Variants in INPPL1 observed in about 807,000 individuals in gnomAD.
The protein encoded by INPPL1 is inositol polyphosphate phosphatase like 1.
INPPL1 carries 91 observed loss-of-function variants against 139.3 expected under a neutral mutation model. The ratio of observed to expected loss-of-function variants is 0.65; its 90% CI spans 0.55 to 0.78. The LOEUF (loss-of-function observed/expected upper bound fraction) is 0.78, where lower values mean the gene tolerates loss of function less well. INPPL1 is among the 30% of genes least tolerant of loss of function. The pLI, the probability that INPPL1 is intolerant of heterozygous loss-of-function variation, is 0.00. For missense variants in INPPL1, 1,411 were observed against 1,665.6 expected (o/e 0.85, Z 2.66); for synonymous variants, 719 against 686.6 (o/e 1.05, Z -0.74).
Position 72,233,527 on chromosome 11 carries a change from G to C in INPPL1, c.2122+5G>C, listed in dbSNP as rs751623817. ...ACATCATCTGCAATTCTTATGGTCA[G>C]AGCCTCCCGGACAGAGTGATGGGAG... On this transcript the variant is annotated splice_donor_5th_base_variant and intron_variant, in intron 18 of 27. Transcript: ENST00000298229. 1 of 1,613,788 alleles carries C rather than the reference G, an allele frequency of 6.2e-7. No individual in the cohort carries two copies. Among genetic ancestry groups the C allele is most frequent in the Non-Finnish European group, 8.5e-7 (1 of 1,179,662 alleles).
intron 14 of INPPL1, 34 bp downstream of exon 14, chr11:72,232,370 C>T: frequency 6.6e-7 from 1 of 1,524,316 alleles, no homozygotes; most frequent in Non-Finnish European, 8.9e-7. Flanking sequence ...TCTCTTTACA[C>T]CCATCCCATT....
At chr11:72,229,041 TG>T (rs1948755145) in intron 4 of INPPL1, 48 bp from the exon 5 acceptor site, 1 of 1,566,290 alleles carries the variant, frequency 6.4e-7, no homozygotes, top group Admixed American at 1.8e-5. Flanking sequence ...GCAGAGGTGC[TG>T]GGACAGGTCA....
Position 72,230,418 on chromosome 11 carries a change from AAGG to A in INPPL1, c.1150_1152del (p.Glu384del), listed in dbSNP as rs1565388284. 6.2e-7 allele frequency: 1 copy of A among 1,614,088 alleles called. No individual in the cohort carries two copies. Among genetic ancestry groups the A allele is most frequent in the Non-Finnish European group, 8.5e-7 (1 of 1,180,034 alleles). On this transcript the variant is annotated inframe_deletion, in exon 10 of 28. Transcript: ENST00000298229. ...GAACAAGCTGGGTGTTGTGTTTGAG[AAGG>A]AGAAGGACCGGACTCAGCGCAAGGA...
chr11:72,236,632 A>G (rs1214473076), intron 25 of INPPL1, among the ~76,000 whole-genome samples: 2 of 152,222 alleles, frequency 1.3e-5, no homozygotes, highest in East Asian at 3.8e-4. Context: ...TTGTTGCTTA[A>G]ACTTACATAA....
In INPPL1 at chr11:72,235,763, G is replaced by A; in HGVS notation, c.2738+10G>A. On this transcript the variant is annotated intron_variant, in intron 24 of 27. Transcript: ENST00000298229. This position sits in a 1 kb window ranked among gnomAD's most constrained non-coding sequence, Gnocchi z 4.9. Reference sequence around the variant, plus strand: ...GGAGCCAGGAGCCCAGGTGAGCTAGGGCTGTGTTGAATGTCATATGAAAGG... The same window carrying A: ...GGAGCCAGGAGCCCAGGTGAGCTAGAGCTGTGTTGAATGTCATATGAAAGG... 3 of 1,614,112 alleles carry A rather than the reference G, an allele frequency of 1.9e-6. No homozygotes were observed. Among genetic ancestry groups the A allele is most frequent in the East Asian group, 2.2e-5 (1 of 44,882 alleles).
intron 27 of INPPL1, 25 bp from the exon 28 acceptor site, chr11:72,238,238 C>T (rs1172073151): frequency 3.7e-6 from 6 of 1,613,570 alleles, no homozygotes; most frequent in South Asian, 1.1e-5. Context: ...GCCCATCTCA[C>T]TTCCCAGCCT....
intron 1 of INPPL1, chr11:72,227,777 C>T (rs1316579625): frequency 3.8e-6 from 1 of 266,334 alleles, no homozygotes; most frequent in Non-Finnish European, 7.4e-6. Flanking sequence ...GAGGCATACA[C>T]ACGTGTTAGC....
At position 72,238,249 on chromosome 11, in the gene INPPL1, G is replaced by C. The variant is rs746365242; in HGVS notation, c.3687-14G>C. 2.5e-6 allele frequency: 4 copies of C among 1,613,674 alleles called. No homozygotes were observed. In the East Asian group the frequency reaches 6.7e-5, roughly 27 times the overall value. ...CCTTGCCCATCTCACTTCCCAGCCTGTTTTACTCCACAGTGACATCACCGA... is the reference window on the plus strand; with the variant it reads ...CCTTGCCCATCTCACTTCCCAGCCTCTTTTACTCCACAGTGACATCACCGA... On this transcript the variant is annotated splice_polypyrimidine_tract_variant and intron_variant, in intron 27 of 27. Coordinates refer to ENST00000298229, the MANE Select transcript of INPPL1 (RefSeq NM_001567.4).
chr11:72,224,950 G>A lies in INPPL1; in HGVS notation c.-35G>A. 1 of 1,066,152 alleles carries A rather than the reference G, an allele frequency of 9.4e-7. No homozygotes were observed. The highest frequency in any genetic ancestry group is 1.1e-6 in the Non-Finnish European group (1 of 883,422). The allele number at this position is 1,066,152 out of a possible 1,614,324, so 66.0% of individuals were successfully genotyped here. ...CGTCTCGGGGCGGATGGCGCGGGGC[G>A]GCGGGGGCGGGCGGTGCTGAGCCCT... On this transcript the variant is annotated 5_prime_UTR_variant, in exon 1 of 28. Transcript: ENST00000298229.
chr11:72,231,658 T>G, intron 13 of INPPL1, 43 bp downstream of exon 13: 32 of 1,370,090 alleles, frequency 2.3e-5, no homozygotes, highest in African/African-American at 5.7e-5. Flanking sequence ...AGCGTCTCTC[T>G]GTCCATGGCT....
Position 72,228,270 on chromosome 11 carries a change from C to T in INPPL1, c.246+17C>T, listed in dbSNP as rs965895209. 1 of 1,614,144 alleles carries T rather than the reference C, an allele frequency of 6.2e-7. No homozygotes were observed. Among genetic ancestry groups the T allele is most frequent in the Non-Finnish European group, 8.5e-7 (1 of 1,179,986 alleles). On this transcript the variant is annotated intron_variant, in intron 2 of 27. Coordinates refer to ENST00000298229, the MANE Select transcript of INPPL1 (RefSeq NM_001567.4). This position sits in a 1 kb window ranked among gnomAD's most constrained non-coding sequence, Gnocchi z 5.0. ...GCTGTGCAGGTAGGAGCTTGGGCCC[C>T]TGACCCCTGACCTTGATCCAGCCTA...
At chr11:72,230,572 T>G in intron 10 of INPPL1, 104 bp downstream of exon 10, 1 of 1,152,130 alleles carries the variant, frequency 8.7e-7, no homozygotes, top group Non-Finnish European at 1.3e-6. Flanking sequence ...AGGCATGCCA[T>G]CCCTCCTGGC....
In INPPL1 at chr11:72,238,489, G is replaced by A; in HGVS notation, c.*136G>A. ...ATTTATTGGGGTGCCTATTTATTGG[G>A]GATCTGCATTCCCCGCTGCCCAATC... On this transcript the variant is annotated 3_prime_UTR_variant, in exon 28 of 28. Transcript: ENST00000298229. 2 of 656,666 alleles carry A rather than the reference G, an allele frequency of 3.0e-6. No individual in the cohort carries two copies. 40.7% of individuals were successfully genotyped at this position (656,666 alleles called of 1,614,324 possible).
intron 1 of INPPL1, 45 bp downstream of exon 1, chr11:72,225,211 C>T: frequency 1.6e-6 from 2 of 1,226,188 alleles, no homozygotes; most frequent in Non-Finnish European, 2.0e-6. Flanking sequence ...GGACCGGGAG[C>T]GCGGGCACGG....
At position 72,228,949 on chromosome 11, in the gene INPPL1, C is replaced by G; in HGVS notation, c.518+102C>G. ...GCCTTCTAAGACCCCACCAGGGACC[C>G]CCACCCCACCTCAGCCCAGAGGCAG... On this transcript the variant is annotated intron_variant, in intron 4 of 27. Transcript: ENST00000298229. The surrounding 1 kb of genome is among the most constrained non-coding windows in gnomAD (Gnocchi z 5.0). The G allele has an allele frequency of 6.6e-7, 1 of 1,519,238 alleles. No individual in the cohort carries two copies. Among genetic ancestry groups the G allele is most frequent in the African/African-American group, 1.4e-5 (1 of 72,092 alleles). 94.1% of individuals were successfully genotyped at this position (1,519,238 alleles called of 1,614,324 possible).
chr11:72,236,030 C>G lies in INPPL1; in HGVS notation c.2879+44C>G, dbSNP rs781251579. 5 of 1,106,782 alleles carry G rather than the reference C, an allele frequency of 4.5e-6. No homozygotes were observed. In the African/African-American group the frequency reaches 6.3e-5, roughly 14 times the overall value. The allele number at this position is 1,106,782 out of a possible 1,614,324, so 68.6% of individuals were successfully genotyped here. A position where few individuals can be genotyped will look rare whatever the true frequency, so the allele number is the denominator to read the frequency against. ...CACCGCCCCCCCTTCCCCCACCCAC[C>G]TCTATCCATCACTATCCCCTGCAGG... On this transcript the variant is annotated intron_variant, in intron 25 of 27. Transcript: ENST00000298229.
chr11:72,228,107 AG>A lies in INPPL1; in HGVS notation c.183-82del. On this transcript the variant is annotated intron_variant, in intron 1 of 27. Transcript: ENST00000298229. The surrounding 1 kb of genome is among the most constrained non-coding windows in gnomAD (Gnocchi z 5.0). ...CCAAGCTGAGGGGGTTGGGGTGCTG[AG>A]CTTGCTGGCAGGAGGAAGGGGTGCT... 6.8e-7 allele frequency: 1 copy of A among 1,470,784 alleles called. No individual in the cohort carries two copies. The highest frequency in any genetic ancestry group is 9.5e-7 in the Non-Finnish European group (1 of 1,051,274). The allele number at this position is 1,470,784 out of a possible 1,614,324, so 91.1% of individuals were successfully genotyped here. A position where few individuals can be genotyped will look rare whatever the true frequency, so the allele number is the denominator to read the frequency against.
In INPPL1 at chr11:72,238,400, C is replaced by A; in HGVS notation, c.*47C>A. 6.8e-7 allele frequency: 1 copy of A among 1,473,808 alleles called. No homozygotes were observed. The highest frequency in any genetic ancestry group is 1.4e-5 in the African/African-American group (1 of 70,324). 91.3% of individuals were successfully genotyped at this position (1,473,808 alleles called of 1,614,324 possible). A position where few individuals can be genotyped will look rare whatever the true frequency, so the allele number is the denominator to read the frequency against. ...GTGAACTCAGAGCCCCTCCCTGCTA[C>A]CAAGGCCCAGCTATGGCCCCAGGGT... On this transcript the variant is annotated 3_prime_UTR_variant, in exon 28 of 28. Coordinates refer to ENST00000298229, the MANE Select transcript of INPPL1 (RefSeq NM_001567.4).
chr11:72,226,873 G>A (rs1481324677), intron 1 of INPPL1, among the ~76,000 whole-genome samples: 5 of 152,072 alleles, frequency 3.3e-5, no homozygotes, highest in Non-Finnish European at 7.4e-5. Context: ...TCTGGGTGAG[G>A]AACATTATTG....
Sources: gnomAD v4.1 joint callset for allele counts (sites outside exome capture counted in the v4.1 genomes callset) on GRCh38, gnomAD v4.1.1 for gene constraint, Gnocchi (gnomAD v3.1) non-coding constraint, MANE v1.5 for transcripts, NCBI Gene and HGNC (gene_info 2026-07-23, HGNC 2026-07-21) for gene names.